Variants in ZNF462 observed in about 807,000 individuals in gnomAD.
The protein encoded by ZNF462 is zinc finger PBX1-interacting protein.
A neutral mutation model predicts 201.9 loss-of-function variants in ZNF462; 10 were observed. That is an observed-to-expected ratio of 0.05 (90% CI 0.03 to 0.08). The LOEUF (loss-of-function observed/expected upper bound fraction) is 0.08, where lower values mean the gene tolerates loss of function less well. ZNF462 is among the 10% of genes least tolerant of loss of function. ZNF462 has a pLI of 1.00. For synonymous variants in ZNF462, 1,227 were observed against 1,193.3 expected, an observed-to-expected ratio of 1.03 and a Z score of -0.58; for missense variants, 2,523 against 3,168.3, an observed-to-expected ratio of 0.80 and a Z score of 4.89.
At chr9:106,911,655 G>A (rs560225152) in intron 1 of ZNF462, among the ~76,000 whole-genome samples, 11 of 152,166 alleles carry the variant, frequency 7.2e-5, no homozygotes, top group Admixed American at 2.6e-4. Context: ...CCAAAAGCAG[G>A]TAAAAGTGTT....
chr9:107,000,641 T>C (rs1829115524), intron 10 of ZNF462, among the ~76,000 whole-genome samples: 1 of 152,140 alleles, frequency 6.6e-6, no homozygotes, highest in Non-Finnish European at 1.5e-5. Flanking sequence ...AGCAAAGATT[T>C]TAGAAATCTT....
intron 10 of ZNF462, among the ~76,000 whole-genome samples, chr9:106,987,624 C>CT (rs1407131263): frequency 2.0e-5 from 3 of 152,152 alleles, no homozygotes; most frequent in African/African-American, 7.2e-5. Context: ...TCTGTTTACT[C>CT]TGCTAACTAT....
chr9:106,929,236 A>G lies in ZNF462; in HGVS notation c.5324A>G (p.Gln1775Arg), dbSNP rs1180353224. 3 of 1,614,042 alleles carry G rather than the reference A, an allele frequency of 1.9e-6. No individual in the cohort carries two copies. The highest frequency in any genetic ancestry group is 2.2e-5 in the East Asian group (1 of 44,884). Residue 1775 changes from glutamine to arginine, a missense_variant, in exon 3 of 13, where the codon CAG (glutamine) becomes CGG (arginine). By Grantham distance (43) the Gln-to-Arg change is conservative. Around this residue, in one of 15 missense-constraint regions of ZNF462, gnomAD observed 207 missense variants for 231.6 expected, o/e 0.89. Transcript: ENST00000277225. This position sits in a 1 kb window ranked among gnomAD's most constrained non-coding sequence, Gnocchi z 8.7. ...AAAAAGTGCTCCTTGTGCTCTTTCC[A>G]GTCGTTCAGCAAGAAGGGCATCGTG... ...EKKKCSLCSF[Q>R]SFSKKGIVSH...
At chr9:106,904,448 T>C (rs1385315301) in intron 1 of ZNF462, among the ~76,000 whole-genome samples, 4 of 152,232 alleles carry the variant, frequency 2.6e-5, no homozygotes, top group African/African-American at 4.8e-5. Flanking sequence ...AGGTGTTCTT[T>C]GTGCTTCCTA....
At chr9:106,943,475 A>G (rs1446281519) in intron 7 of ZNF462, among the ~76,000 whole-genome samples, 3 of 152,082 alleles carry the variant, frequency 2.0e-5, no homozygotes, top group Non-Finnish European at 4.4e-5. Context: ...CATTCCTACC[A>G]TCTCTCTACT....
intron 1 of ZNF462, among the ~76,000 whole-genome samples, chr9:106,910,292 C>G (rs1829487457): frequency 6.6e-6 from 1 of 150,598 alleles, no homozygotes; most frequent in African/African-American, 2.4e-5. Context: ...TGTCCTGTTC[C>G]TCCAAAATAG....
chr9:106,884,637 A>G (rs899415247), intron 1 of ZNF462, among the ~76,000 whole-genome samples: 3 of 152,174 alleles, frequency 2.0e-5, no homozygotes, highest in African/African-American at 7.2e-5. Context: ...TTTTCATATT[A>G]ATATATTTGG....
chr9:106,956,614 ATCT>A (rs746557710), intron 7 of ZNF462, among the ~76,000 whole-genome samples: 4 of 140,494 alleles, frequency 2.8e-5, no homozygotes, highest in Admixed American at 6.7e-5. Context: ...CCTAGATGGA[ATCT>A]TCTTCCAATA....
At position 106,984,502 on chromosome 9, in the gene ZNF462, A is replaced by G. The variant is rs1827680700; in HGVS notation, c.7056+93A>G. ...CTGCATTTAGTCACGACCACTGTGT[A>G]CCAGATGGAGATGTGGACTCAAAGA... is the stretch of plus-strand genomic sequence containing the variant. On this transcript the variant is annotated intron_variant, in intron 10 of 12. Coordinates refer to ENST00000277225, the MANE Select transcript of ZNF462 (RefSeq NM_021224.6). The surrounding 1 kb of genome is among the most constrained non-coding windows in gnomAD (Gnocchi z 6.4). The G allele has an allele frequency of 1.0e-6, 1 of 969,646 alleles. No homozygotes were observed. Among genetic ancestry groups the G allele is most frequent in the African/African-American group, 1.6e-5 (1 of 61,156 alleles). The allele number at this position is 969,646 out of a possible 1,614,324, so 60.1% of individuals were successfully genotyped here.
rs942833346 is a variant in ZNF462, at chr9:107,006,173, G to A, written c.7189+2747G>A. On this transcript the variant is annotated intron_variant, in intron 11 of 12. Coordinates refer to ENST00000277225, the MANE Select transcript of ZNF462 (RefSeq NM_021224.6). This position sits in a 1 kb window ranked among gnomAD's most constrained non-coding sequence, Gnocchi z 4.3. ...GATTTCTTTGGCTATCCAGGGTGTG[G>A]TTCCATGGGTTGTTGTAAAGATTAA... is the stretch of plus-strand genomic sequence containing the variant. Among the ~76,000 whole-genome samples the A allele has an allele frequency of 6.6e-6, 1 of 152,116 alleles. No individual in the cohort carries two copies. Among genetic ancestry groups the A allele is most frequent in the Non-Finnish European group, 1.5e-5 (1 of 68,004 alleles).
rs1240833314 is a variant in ZNF462 at position 107,009,120 on chromosome 9, T to C, written c.7190-425T>C. 6.0e-6 allele frequency: 1 copy of C among 167,184 alleles called. No homozygotes were observed. Among genetic ancestry groups the C allele is most frequent in the East Asian group, 1.6e-4 (1 of 6,232 alleles). The allele number at this position is 167,184 out of a possible 1,614,324, so 10.4% of individuals were successfully genotyped here. On this transcript the variant is annotated intron_variant, in intron 11 of 12. Transcript: ENST00000277225. The surrounding 1 kb of genome is among the most constrained non-coding windows in gnomAD (Gnocchi z 6.1). ...CTGGTCCAGGGCTTTCGGTAGCCTA[T>C]GTTCTTTTCAGTGAACAAAGATAAA...
rs201759491 is a variant in ZNF462, at chr9:106,924,485, G to A, written c.573G>A (p.Glu191=). Residue 191 remains glutamate, a synonymous_variant, in exon 3 of 13, where the codon GAG becomes GAA. Coordinates refer to ENST00000277225, the MANE Select transcript of ZNF462 (RefSeq NM_021224.6). This position sits in a 1 kb window ranked among gnomAD's most constrained non-coding sequence, Gnocchi z 6.2. ...TGTATCACAAAAACAATTTGAAGGA[G>A]ACCACTGCTCCCCCACCTGCTCCTG... ...QKMYHKNNLK[E]TTAPPPAPAP... The A allele has an allele frequency of 6.2e-7, 1 of 1,614,070 alleles. No individual in the cohort carries two copies. The highest frequency in any genetic ancestry group is 8.5e-7 in the Non-Finnish European group (1 of 1,180,032).
chr9:107,006,457 C>T lies in ZNF462; in HGVS notation c.7189+3031C>T, dbSNP rs937330213. On this transcript the variant is annotated intron_variant, in intron 11 of 12. Transcript: ENST00000277225. This position sits in a 1 kb window ranked among gnomAD's most constrained non-coding sequence, Gnocchi z 4.3. ...GCAAGCCCTCTTCTTACCCTGCACA[C>T]CACTTTCCCAGTGCTTCGAGTAGTG... 6.6e-6 allele frequency among the ~76,000 whole-genome samples: 1 copy of T among 152,194 alleles called. No homozygotes were observed. The highest frequency in any genetic ancestry group is 1.5e-5 in the Non-Finnish European group (1 of 68,034).
chr9:106,936,695 A>G (rs1830645907), intron 6 of ZNF462, among the ~76,000 whole-genome samples: 1 of 152,222 alleles, frequency 6.6e-6, no homozygotes, highest in Non-Finnish European at 1.5e-5. Flanking sequence ...TGTATATTGT[A>G]AATTATCCAG....
At position 106,919,338 on chromosome 9, in the gene ZNF462, A is replaced by C. The variant is rs1829898984; in HGVS notation, c.-30-4016A>C. On this transcript the variant is annotated intron_variant, in intron 1 of 12. Coordinates refer to ENST00000277225, the MANE Select transcript of ZNF462 (RefSeq NM_021224.6). This position sits in a 1 kb window ranked among gnomAD's most constrained non-coding sequence, Gnocchi z 4.5. ...AGTGAGTTGGAAGGATGGACGATGA[A>C]GCTGTGGTTTGTCTCCTTCCTCCTT... Among the ~76,000 whole-genome samples the C allele has an allele frequency of 1.3e-5, 2 of 152,220 alleles. No homozygotes were observed. The highest frequency in any genetic ancestry group is 2.9e-5 in the Non-Finnish European group (2 of 68,042).
Position 106,924,863 on chromosome 9 carries a change from C to T in ZNF462, c.951C>T (p.Val317=). ...AASREIPNTT[V]SNFRGSMGNS... ...GCCGGGAGATACCCAATACTACCGT[C>T]TCCAACTTCAGGGGCTCCATGGGCA... Residue 317 remains valine (V), a synonymous_variant, in exon 3 of 13, where the codon GTC becomes GTT. Transcript: ENST00000277225. This position sits in a 1 kb window ranked among gnomAD's most constrained non-coding sequence, Gnocchi z 6.2. 3 of 1,614,216 alleles carry T rather than the reference C, an allele frequency of 1.9e-6. No homozygotes were observed. The highest frequency in any genetic ancestry group is 2.5e-6 in the Non-Finnish European group (3 of 1,180,042).
intron 1 of ZNF462, among the ~76,000 whole-genome samples, chr9:106,891,904 T>C (rs1828594882): frequency 6.6e-6 from 1 of 152,184 alleles, no homozygotes; most frequent in African/African-American, 2.4e-5. Flanking sequence ...AATGTTTAGC[T>C]TTCACCTTGC....
chr9:106,957,156 C>G (rs779787493), intron 7 of ZNF462, among the ~76,000 whole-genome samples: 1 of 152,040 alleles, frequency 6.6e-6, no homozygotes, highest in African/African-American at 2.4e-5. Context: ...TGATTTAAGG[C>G]GAGAGACGTG....
intron 7 of ZNF462, among the ~76,000 whole-genome samples, chr9:106,965,149 AGTTTT>A (rs568349233): frequency 1.4e-3 from 220 of 152,178 alleles, no homozygotes; most frequent in African/African-American, 4.9e-3. Context: ...ATTTCAGCTG[AGTTTT>A]GAAGGATGGG....
Sources: allele counts gnomAD v4.1 joint callset (sites outside exome capture counted in the v4.1 genomes callset), GRCh38; gene constraint gnomAD v4.1.1; regional missense constraint gnomAD v4.1.1; non-coding constraint Gnocchi (gnomAD v3.1); transcripts MANE v1.5; gene names NCBI Gene and HGNC (gene_info 2026-07-23, HGNC 2026-07-21).